Variants in BEGAIN observed in about 807,000 individuals in gnomAD.
BEGAIN encodes the protein brain enriched guanylate kinase associated.
A neutral mutation model predicts 35.8 loss-of-function variants in BEGAIN; 19 were observed. That is an observed-to-expected ratio of 0.53 (90% CI 0.37 to 0.78). BEGAIN has a LOEUF of 0.78. Among genes scored for constraint, BEGAIN ranks in the 30% least tolerant of loss-of-function variants. BEGAIN has a pLI of 0.00. For missense variants in BEGAIN, 795 were observed against 853.6 expected, an observed-to-expected ratio of 0.93 and a Z score of 0.85; for synonymous variants, 462 against 388.6, an observed-to-expected ratio of 1.19 and a Z score of -2.22.
intron 5 of BEGAIN, among the ~76,000 whole-genome samples, chr14:100,541,409 A>C (rs1238685070): frequency 2.6e-5 from 4 of 152,070 alleles, no homozygotes; most frequent in Non-Finnish European, 5.9e-5. Flanking sequence ...CCTGCTGTCC[A>C]GGCAAGGCTG....
chr14:100,574,009 G>A (rs553906083), intron 1 of BEGAIN, among the ~76,000 whole-genome samples: 3 of 152,226 alleles, frequency 2.0e-5, no homozygotes, highest in African/African-American at 7.2e-5. Flanking sequence ...CTGTCTCAAG[G>A]AGGAGAGCGG....
At position 100,539,216 on chromosome 14, in the gene BEGAIN, G is replaced by A. The variant is rs774616038; in HGVS notation, c.592C>T (p.Pro198Ser). Residue 198 changes from proline to serine, a missense_variant, in exon 7 of 7, where the codon CCC becomes TCC. Transcript: ENST00000554140. The stretch of plus-strand genomic sequence containing the variant: ...AGCACCTTGGCAATGACGCAGGTGG[G>A]GACGCTGTCGGCGTAGGCCGGGTGG... ...LCHPAYADSV[P>S]TCVIAKVLEK... The A allele has an allele frequency of 6.3e-7, 1 of 1,586,602 alleles. No individual in the cohort carries two copies. The highest frequency in any genetic ancestry group is 1.2e-5 in the South Asian group (1 of 86,538).
intron 2 of BEGAIN, among the ~76,000 whole-genome samples, chr14:100,561,647 G>A (rs901933772): frequency 6.6e-6 from 1 of 151,968 alleles, no homozygotes; most frequent in Admixed American, 6.6e-5. Context: ...GGCTATTTGG[G>A]AGGCTGAGGT....
At chr14:100,546,462 C>CTCACCT (rs2032465893) in intron 3 of BEGAIN, 39 bp downstream of exon 3, 1 of 700,460 alleles carries the variant, frequency 1.4e-6, no homozygotes, top group Non-Finnish European at 1.8e-6. Context: ...CGCCCCGCCC[C>CTCACCT]GGCCCTCGCC....
At chr14:100,561,179 G>A (rs779014292) in intron 2 of BEGAIN, among the ~76,000 whole-genome samples, 1 of 152,150 alleles carries the variant, frequency 6.6e-6, no homozygotes, top group Non-Finnish European at 1.5e-5. Flanking sequence ...CCTAGGGTGC[G>A]GAAGAGCTGG....
chr14:100,538,619 C>T lies in BEGAIN; in HGVS notation c.1189G>A (p.Glu397Lys), dbSNP rs1566957537. The T allele has an allele frequency of 6.5e-7, 1 of 1,548,024 alleles. No individual in the cohort carries two copies. Among genetic ancestry groups the T allele is most frequent in the Non-Finnish European group, 8.7e-7 (1 of 1,145,534 alleles). Residue 397 changes from glutamate to lysine, a missense_variant, in exon 7 of 7, where the codon GAG (glutamate) becomes AAG (lysine). Physicochemically the swap from Glu to Lys is moderately conservative, Grantham distance 56 (BLOSUM62 1). This residue lies in a region of BEGAIN where 664 missense variants were observed against 647.7 expected (regional missense o/e 1.03). Transcript: ENST00000554140. ...GGAGAGGCCGGGAAGCGGAAGGTCT[C>T]GGCCGGGTACGGTGACATGGTCCGC... ...FGRTMSPYPA[E>K]TFRFPASPGP...
rs1346787251 is a variant in BEGAIN at position 100,567,137 on chromosome 14, G to A, written c.71+774C>T. On this transcript the variant is annotated intron_variant, in intron 2 of 6. Coordinates refer to ENST00000554140, the MANE Select transcript of BEGAIN (RefSeq NM_001385089.1). This position sits in a 1 kb window ranked among gnomAD's most constrained non-coding sequence, Gnocchi z 5.1. ...CCCAGCAGCCAGAGCTGGGCCTGCC[G>A]CCCACACAACGCCTCGGCTCAGGCT... 6.6e-6 allele frequency among the ~76,000 whole-genome samples: 1 copy of A among 152,172 alleles called. No individual in the cohort carries two copies. Among genetic ancestry groups the A allele is most frequent in the Non-Finnish European group, 1.5e-5 (1 of 68,014 alleles).
rs923313619 is a variant in BEGAIN at position 100,567,076 on chromosome 14, C to A, written c.71+835G>T. Among the ~76,000 whole-genome samples the A allele has an allele frequency of 6.6e-6, 1 of 152,170 alleles. No homozygotes were observed. Among genetic ancestry groups the A allele is most frequent in the Non-Finnish European group, 1.5e-5 (1 of 68,012 alleles). On this transcript the variant is annotated intron_variant, in intron 2 of 6. Coordinates refer to ENST00000554140, the MANE Select transcript of BEGAIN (RefSeq NM_001385089.1). The surrounding 1 kb of genome is among the most constrained non-coding windows in gnomAD (Gnocchi z 5.1). Reference sequence around the variant, plus strand: ...TGGCCTCGGGAGGGAGTGGCGAGGACGGAGACCCTGTGGGCCAGGGGAGAC... The same window carrying A: ...TGGCCTCGGGAGGGAGTGGCGAGGAAGGAGACCCTGTGGGCCAGGGGAGAC...
At chr14:100,562,437 G>A (rs1279999046) in intron 2 of BEGAIN, among the ~76,000 whole-genome samples, 1 of 152,118 alleles carries the variant, frequency 6.6e-6, no homozygotes, top group Non-Finnish European at 1.5e-5. Flanking sequence ...CCTCAAGCCT[G>A]TGTGCCCTCA....
chr14:100,566,170 G>A (rs1003681642), intron 2 of BEGAIN, among the ~76,000 whole-genome samples: 4 of 152,236 alleles, frequency 2.6e-5, no homozygotes, highest in Non-Finnish European at 4.4e-5. Flanking sequence ...CACATGGCCC[G>A]ATGCAGCCCA....
At chr14:100,575,392 T>C (rs2035180727) in intron 1 of BEGAIN, among the ~76,000 whole-genome samples, 1 of 152,140 alleles carries the variant, frequency 6.6e-6, no homozygotes, top group Non-Finnish European at 1.5e-5. Flanking sequence ...GCTGAATCCC[T>C]ACCTTGGGCC....
rs945371515 is a variant in BEGAIN at position 100,577,312 on chromosome 14, C to T, written c.43-9373G>A. 9 of 399,042 alleles carry T rather than the reference C, an allele frequency of 2.3e-5. No individual in the cohort carries two copies. The South Asian group carries it at 6.4e-4, about 28-fold the overall frequency. The allele number at this position is 399,042 out of a possible 1,614,324, so 24.7% of individuals were successfully genotyped here. ...GAGACCTCTGGGGTTGAGACTCACCCGACCTGGAGACCTCCAAGGGGAGGC... is the reference window on the plus strand; with the variant it reads ...GAGACCTCTGGGGTTGAGACTCACCTGACCTGGAGACCTCCAAGGGGAGGC... On this transcript the variant is annotated intron_variant, in intron 1 of 6. Transcript: ENST00000554140.
chr14:100,538,909 C>T lies in BEGAIN; in HGVS notation c.899G>A (p.Gly300Asp), dbSNP rs775362984. The T allele has an allele frequency of 6.2e-7, 1 of 1,607,360 alleles. No individual in the cohort carries two copies. Among genetic ancestry groups the T allele is most frequent in the South Asian group, 1.1e-5 (1 of 90,722 alleles). The stretch of plus-strand genomic sequence containing the variant: ...GCTGGGGAAGGCCTCATGCTGGAAG[C>T]CCGCCGGGAAGGCCGCCGCCTCGGC... ...EEAEAAAFPA[G>D]FQHEAFPSYA... Residue 300 changes from glycine to aspartate, a missense_variant, in exon 7 of 7, where the codon GGC becomes GAC. By Grantham distance (94) the Gly-to-Asp change is moderately conservative. Around this residue, in one of 3 missense-constraint regions of BEGAIN, gnomAD observed 664 missense variants for 647.7 expected, o/e 1.03. Transcript: ENST00000554140.
At chr14:100,576,960 C>G (rs2035216448) in intron 1 of BEGAIN, among the ~76,000 whole-genome samples, 1 of 152,178 alleles carries the variant, frequency 6.6e-6, no homozygotes, top group Admixed American at 6.5e-5. Context: ...TGAAAGCTGC[C>G]TGACAGGCCT....
chr14:100,571,875 C>T (rs991244535), intron 1 of BEGAIN, among the ~76,000 whole-genome samples: 2 of 152,202 alleles, frequency 1.3e-5, no homozygotes, highest in African/African-American at 2.4e-5. Flanking sequence ...TGACTCTGCA[C>T]GGCCGGGGCC....
intron 1 of BEGAIN, among the ~76,000 whole-genome samples, chr14:100,585,559 A>G (rs1453268356): frequency 2.0e-5 from 3 of 151,410 alleles, no homozygotes; most frequent in African/African-American, 7.3e-5. Flanking sequence ...ATGCTGATCC[A>G]GGGCCCAGTA....
chr14:100,546,750 A>G (rs2032524942), intron 2 of BEGAIN, 88 bp from the exon 3 acceptor site: 1 of 1,291,342 alleles, frequency 7.7e-7, no homozygotes, highest in South Asian at 1.6e-5. Context: ...TGCCGCACTA[A>G]CACGCGAGTA....
intron 5 of BEGAIN, among the ~76,000 whole-genome samples, chr14:100,540,960 G>A (rs1035343156): frequency 1.6e-4 from 25 of 152,202 alleles, no homozygotes; most frequent in Admixed American, 7.2e-4. Context: ...GGCTCTCGGC[G>A]TCCTTCCAAA....
chr14:100,538,412 G>T lies in BEGAIN; in HGVS notation c.1396C>A (p.Arg466Ser). The T allele has an allele frequency of 6.3e-7, 1 of 1,578,872 alleles. No homozygotes were observed. The highest frequency in any genetic ancestry group is 8.6e-7 in the Non-Finnish European group (1 of 1,166,338). The change falls in exon 7 of 7, where the codon CGC (arginine) becomes AGC (serine). Residue 466 changes from arginine (R) to serine (S), a missense_variant. By Grantham distance (110) the Arg-to-Ser change is moderately radical. Transcript: ENST00000554140. Reference protein sequence around the residue: ...GRASPCSFSERYYGGAGGSPG... With the variant: ...GRASPCSFSESYYGGAGGSPG... ...CTGCCCCCGGCCCCGCCGTAGTAGC[G>T]TTCAGAGAAGCTGCAGGGTGAGGCG...
Sources: allele counts gnomAD v4.1 joint callset (sites outside exome capture counted in the v4.1 genomes callset), GRCh38; gene constraint gnomAD v4.1.1; regional missense constraint gnomAD v4.1.1; non-coding constraint Gnocchi (gnomAD v3.1); transcripts MANE v1.5; gene names NCBI Gene and HGNC (gene_info 2026-07-23, HGNC 2026-07-21).